The following SAMMSON variants were observed in gnomAD, a reference collection of about 807,000 sequenced individuals.
SAMMSON encodes the protein survival associated mitochondrial melanoma specific oncogenic non-coding RNA.
At chr3:70,352,459 G>A (rs188383383) in intron 7 of SAMMSON, among the ~76,000 whole-genome samples, 1 of 152,164 alleles carries the variant, frequency 6.6e-6, no homozygotes, top group African/African-American at 2.4e-5. Context: ...ATCATCAGAT[G>A]AAGGAAAATA....
At chr3:70,001,440 G>T (rs1166803164) in intron 1 of SAMMSON, among the ~76,000 whole-genome samples, 1 of 150,488 alleles carries the variant, frequency 6.6e-6, no homozygotes, top group Non-Finnish European at 1.5e-5. Flanking sequence ...ACAATGTTAA[G>T]GTTGTTTCTA....
chr3:70,393,001 G>T (rs568595192), downstream of SAMMSON, among the ~76,000 whole-genome samples: 31 of 152,200 alleles, frequency 2.0e-4, no homozygotes, highest in Non-Finnish European at 4.0e-4. Context: ...TGAATATTTT[G>T]TTCAGAAAAA....
chr3:70,170,952 G>T (rs975447747), intron 4 of SAMMSON, among the ~76,000 whole-genome samples: 1 of 151,824 alleles, frequency 6.6e-6, no homozygotes, highest in African/African-American at 2.4e-5. Flanking sequence ...TTCTGCCTGT[G>T]TAATAACTGC....
intron 6 of SAMMSON, among the ~76,000 whole-genome samples, chr3:70,269,466 A>G (rs1412037590): frequency 1.3e-5 from 2 of 152,178 alleles, no homozygotes; most frequent in African/African-American, 4.8e-5. Flanking sequence ...GCAAATGCTG[A>G]ACTCTAACCA....
chr3:70,167,614 G>A (rs77941724), intron 4 of SAMMSON, among the ~76,000 whole-genome samples: 4,682 of 151,880 alleles, frequency 0.031, 158 homozygotes, highest in East Asian at 0.18. Flanking sequence ...AAGAAGTCCT[G>A]ATTTTCTTCT....
At chr3:70,204,329 T>C (rs1701269782) in intron 4 of SAMMSON, among the ~76,000 whole-genome samples, 1 of 152,184 alleles carries the variant, frequency 6.6e-6, no homozygotes, top group Non-Finnish European at 1.5e-5. Flanking sequence ...TCTGCATCCT[T>C]AAATTAATTA....
rs529731481 is a variant in SAMMSON, at chr3:70,325,238, A to T, written n.740-28937A>T. Among the ~76,000 whole-genome samples the T allele has an allele frequency of 5.9e-5, 9 of 152,272 alleles. No homozygotes were observed. In the South Asian group the frequency reaches 1.5e-3, roughly 25 times the overall value. On this transcript the variant is annotated intron_variant and non_coding_transcript_variant, in intron 7 of 9. Coordinates refer to ENST00000642114, the Ensembl canonical transcript of SAMMSON. The stretch of plus-strand genomic sequence containing the variant: ...ATTTGGTAAAGGAACCTGGGGCATT[A>T]ACCATTCTGTTATGCAGGAAACATC...
At chr3:70,252,311 G>C (rs930530347) in intron 6 of SAMMSON, among the ~76,000 whole-genome samples, 1 of 152,138 alleles carries the variant, frequency 6.6e-6, no homozygotes, top group Non-Finnish European at 1.5e-5. Flanking sequence ...TTGGTGTATG[G>C]TGTGGCGTAC....
chr3:70,101,647 A>G (rs2067346732), intron 4 of SAMMSON, among the ~76,000 whole-genome samples: 1 of 152,162 alleles, frequency 6.6e-6, no homozygotes, highest in African/African-American at 2.4e-5. Context: ...CTACATGCTA[A>G]TGTATTTAAA....
intron 6 of SAMMSON, among the ~76,000 whole-genome samples, chr3:70,260,721 C>T (rs1701858307): frequency 1.3e-5 from 2 of 152,048 alleles, no homozygotes; most frequent in South Asian, 4.2e-4. Context: ...TAACTTATCC[C>T]TCCCCTTTCA....
chr3:70,222,464 CA>C, intron 4 of SAMMSON, among the ~76,000 whole-genome samples: 1 of 152,282 alleles, frequency 6.6e-6, no homozygotes, highest in East Asian at 1.9e-4. Flanking sequence ...TATGTGCTTA[CA>C]AGTTAGCACT....
chr3:70,154,476 C>T (rs2067584134), intron 4 of SAMMSON, among the ~76,000 whole-genome samples: 2 of 151,984 alleles, frequency 1.3e-5, no homozygotes, highest in Admixed American at 6.6e-5. Context: ...CTCTCATGTA[C>T]CCCTCCCACT....
At chr3:70,030,256 C>CT (rs1003446416) in intron 3 of SAMMSON, 1 of 152,016 alleles carries the variant, frequency 6.6e-6, no homozygotes, top group African/African-American at 2.4e-5. Flanking sequence ...TTCAGATTTT[C>CT]TTTTTTGTTG....
At chr3:70,404,962 G>T (rs1701167466) in intron 2 of SAMMSON, among the ~76,000 whole-genome samples, 1 of 152,178 alleles carries the variant, frequency 6.6e-6, no homozygotes, top group African/African-American at 2.4e-5. Flanking sequence ...TACTGTTTAT[G>T]TGTAGGATGA....
At chr3:70,114,075 C>T (rs566132133) in intron 4 of SAMMSON, among the ~76,000 whole-genome samples, 47 of 152,268 alleles carry the variant, frequency 3.1e-4, no homozygotes, top group East Asian at 1.5e-3. Context: ...CTGACGAGGT[C>T]GGAATTGACA....
At chr3:70,384,255 A>G (rs1383416487) in intron 9 of SAMMSON, among the ~76,000 whole-genome samples, 1 of 152,058 alleles carries the variant, frequency 6.6e-6, no homozygotes, top group East Asian at 1.9e-4. Flanking sequence ...AATAAAACAT[A>G]TAGGGATTTT....
chr3:70,052,716 G>T (rs1031808139), intron 3 of SAMMSON, among the ~76,000 whole-genome samples: 1 of 152,072 alleles, frequency 6.6e-6, no homozygotes, highest in Non-Finnish European at 1.5e-5. Context: ...TTGTGAGGGG[G>T]TGTTCTGTGC....
At chr3:70,380,699 C>G (rs1465275773) in intron 9 of SAMMSON, among the ~76,000 whole-genome samples, 1 of 152,060 alleles carries the variant, frequency 6.6e-6, no homozygotes, top group African/African-American at 2.4e-5. Flanking sequence ...CCTCTCCCCC[C>G]TACCCCACAA....
chr3:70,337,030 A>G (rs1252121754), intron 7 of SAMMSON, among the ~76,000 whole-genome samples: 1 of 137,612 alleles, frequency 7.3e-6, no homozygotes, highest in East Asian at 2.0e-4. Flanking sequence ...TATTATTAAT[A>G]ATAATATCTA....
Sources: gnomAD v4.1 joint callset for allele counts (sites outside exome capture counted in the v4.1 genomes callset) on GRCh38, gnomAD v4.1.1 for gene constraint, MANE v1.5 for transcripts, NCBI Gene and HGNC (gene_info 2026-07-23, HGNC 2026-07-21) for gene names.